Variants in MSN observed in about 807,000 individuals in gnomAD.
The protein encoded by MSN is moesin.
In MSN, 2 loss-of-function variants were observed where a neutral mutation model predicts 48.0. The observed-to-expected ratio is 0.04, with a 90% CI of 0.02 to 0.13. MSN has a LOEUF of 0.13. MSN is among the 10% of genes least tolerant of loss of function. The pLI is 1.00. For missense variants in MSN, 267 were observed against 470.1 expected, an observed-to-expected ratio of 0.57 and a Z score of 3.99; for synonymous variants, 146 against 166.9, an observed-to-expected ratio of 0.87 and a Z score of 0.97.
chrX:65,609,730 A>T (rs904793990), intron 1 of MSN, among the ~76,000 whole-genome samples: 1 of 111,381 alleles, frequency 9.0e-6, no homozygotes, highest in Non-Finnish European at 1.9e-5. Context: ...AAAAATACAA[A>T]AAATTAGCCG....
chrX:65,670,446 C>T (rs191301912), intron 1 of MSN, among the ~76,000 whole-genome samples: 6 of 111,332 alleles, frequency 5.4e-5, no homozygotes, highest in African/African-American at 2.0e-4. Context: ...ACACGCCAGC[C>T]GGGCGTGGTG....
At chrX:65,646,141 G>C (rs1044172367) in intron 1 of MSN, among the ~76,000 whole-genome samples, 1 of 111,922 alleles carries the variant, frequency 8.9e-6, no homozygotes, top group African/African-American at 3.2e-5. Flanking sequence ...TGAAGCATGA[G>C]TATATCTTTT....
At chrX:65,634,571 A>G (rs2070584500) in intron 1 of MSN, among the ~76,000 whole-genome samples, 1 of 111,316 alleles carries the variant, frequency 9.0e-6, no homozygotes, top group Admixed American at 9.5e-5. Context: ...CGAGATCGCA[A>G]CACTGCACTC....
rs762354828 is a variant in MSN at position 65,735,534 on chromosome X, T to C, written c.959+104T>C. ...GACATGAGGCCAACCTAGGACTTCATAGATGAGAGGTTAGACACCAATATT... is the reference window on the plus strand; with the variant it reads ...GACATGAGGCCAACCTAGGACTTCACAGATGAGAGGTTAGACACCAATATT... On this transcript the variant is annotated intron_variant, in intron 8 of 12. Coordinates refer to ENST00000360270, the MANE Select transcript of MSN (RefSeq NM_002444.3). 1.7e-4 allele frequency: 151 copies of C among 900,711 alleles called. No individual in the cohort carries two copies. In the African/African-American group the frequency reaches 2.7e-3, roughly 16 times the overall value. 74.2% of individuals were successfully genotyped at this position (900,711 alleles called of 1,213,427 possible).
At chrX:65,683,023 G>A (rs147329862) in intron 1 of MSN, among the ~76,000 whole-genome samples, 1,573 of 112,339 alleles carry the variant, frequency 0.014, 36 homozygotes, top group African/African-American at 0.048. Context: ...AGTAGTGTTC[G>A]TGTCAAGTGG....
Position 65,610,145 on chromosome X carries a change from T to C in MSN, c.-22+21533T>C, listed in dbSNP as rs1261544198. On this transcript the variant is annotated intron_variant, in intron 1 of 3. Transcript: ENST00000609672. ...AACTTAACCATTTTCAAGTGTTCAA[T>C]TCAGTGGCTTTAATTACATTCACAG... Among the ~76,000 whole-genome samples the C allele has an allele frequency of 3.6e-5, 4 of 112,037 alleles. 1 individual carries two copies. Among genetic ancestry groups the C allele is most frequent in the Admixed American group, 2.9e-4 (3 of 10,482 alleles).
chrX:65,706,503 C>G (rs997780841), intron 1 of MSN, among the ~76,000 whole-genome samples: 2 of 111,973 alleles, frequency 1.8e-5, no homozygotes, highest in Admixed American at 1.9e-4. Flanking sequence ...TCATTGAGCT[C>G]AGACCCAACT....
intron 1 of MSN, among the ~76,000 whole-genome samples, chrX:65,699,748 CA>C (rs34875923): frequency 0.18 from 7,622 of 42,900 alleles, 1,230 homozygotes; most frequent in African/African-American, 0.5. Context: ...GAATCTGTTT[CA>C]AAAAAAAAAA....
chrX:65,666,476 G>C (rs1480950670), upstream of MSN, among the ~76,000 whole-genome samples: 1 of 109,882 alleles, frequency 9.1e-6, no homozygotes, highest in Non-Finnish European at 1.9e-5. Flanking sequence ...ACAGGCACGT[G>C]CCCGGCTAAT....
intron 1 of MSN, among the ~76,000 whole-genome samples, chrX:65,683,485 T>C (rs1602790176): frequency 9.6e-6 from 1 of 104,632 alleles, no homozygotes. Context: ...TTTGCAGACT[T>C]GGTATTTTTT....
intron 1 of MSN, among the ~76,000 whole-genome samples, chrX:65,669,708 T>A (rs1023082468): frequency 9.9e-5 from 11 of 111,442 alleles, no homozygotes; most frequent in Admixed American, 3.8e-4. Flanking sequence ...TAGAGAATTT[T>A]CTATACTTTG....
rs761687710 is a variant in MSN at position 65,631,817 on chromosome X, ATGTGCTACTACACC to A, written c.-22+43208_-22+43221del. On this transcript the variant is annotated intron_variant, in intron 1 of 3. Transcript: ENST00000609672. ...AGCCTCTCAAGTAGCTGGGACAAGC[ATGTGCTACTACACC>A]TGGCTGATTTTTTCATTTTTATATT... Among the ~76,000 whole-genome samples the A allele has an allele frequency of 6.7e-3, 752 of 111,674 alleles. 6 individuals carry two copies. The highest frequency in any genetic ancestry group is 9.8e-3 in the Non-Finnish European group (522 of 53,120).
At chrX:65,653,445 G>GA (rs1356653479) in intron 1 of MSN, among the ~76,000 whole-genome samples, 1 of 110,563 alleles carries the variant, frequency 9.0e-6, no homozygotes, top group Non-Finnish European at 1.9e-5. Flanking sequence ...GTATTTCTCA[G>GA]AAAAAAAATA....
At chrX:65,714,882 C>G in intron 1 of MSN, among the ~76,000 whole-genome samples, 1 of 111,663 alleles carries the variant, frequency 9.0e-6, no homozygotes, top group Non-Finnish European at 1.9e-5. Context: ...AAATCTTTGT[C>G]CATTCCTATG....
chrX:65,735,174 C>A, intron 7 of MSN, 93 bp from the exon 8 acceptor site: 1 of 987,221 alleles, frequency 1.0e-6, no homozygotes, highest in Non-Finnish European at 1.4e-6. Context: ...ATTAAATATT[C>A]TTTCCAGTGC....
At chrX:65,599,285 A>G (rs1395819767) in intron 1 of MSN, among the ~76,000 whole-genome samples, 1 of 109,862 alleles carries the variant, frequency 9.1e-6, no homozygotes, top group Non-Finnish European at 1.9e-5. Context: ...ACAAGAGCAA[A>G]ACTCCGTCTC....
At chrX:65,639,224 A>C (rs895599334) in intron 1 of MSN, among the ~76,000 whole-genome samples, 3 of 109,780 alleles carry the variant, frequency 2.7e-5, no homozygotes, top group African/African-American at 1.0e-4. Flanking sequence ...GCTCACTGCG[A>C]CCTCCGCTTC....
intron 1 of MSN, among the ~76,000 whole-genome samples, chrX:65,692,869 G>C (rs1210658243): frequency 3.6e-5 from 4 of 111,034 alleles, no homozygotes; most frequent in African/African-American, 1.3e-4. Context: ...TAGTAGATAC[G>C]AGGTTTCGCC....
intron 1 of MSN, among the ~76,000 whole-genome samples, chrX:65,649,181 A>G: frequency 9.3e-6 from 1 of 107,816 alleles, no homozygotes; most frequent in Non-Finnish European, 1.9e-5. Context: ...AAGAGACAAC[A>G]TGGGTCCAAT....
Sources: gnomAD v4.1 joint callset for allele counts (sites outside exome capture counted in the v4.1 genomes callset) on GRCh38, gnomAD v4.1.1 for gene constraint, MANE v1.5 for transcripts, NCBI Gene and HGNC (gene_info 2026-07-23, HGNC 2026-07-21) for gene names.